Variants in GPR176 observed in about 807,000 individuals in gnomAD.
GPR176 encodes the protein G-protein coupled receptor 176.
A neutral mutation model predicts 35.4 loss-of-function variants in GPR176; 26 were observed. That is an observed-to-expected ratio of 0.74 (90% CI 0.54 to 1.02). GPR176 has a LOEUF of 1.02. Among genes scored for constraint, GPR176 ranks in the 50% least tolerant of loss-of-function variants. The pLI, the probability that GPR176 is intolerant of heterozygous loss-of-function variation, is 0.00. For synonymous variants in GPR176, 278 were observed against 271.3 expected (o/e 1.02, Z -0.24); for missense variants, 597 against 665.3 (o/e 0.90, Z 1.13).
Position 39,801,652 on chromosome 15 carries a change from C to T in GPR176, c.1028G>A (p.Ser343Asn), listed in dbSNP as rs940146306. The change falls in exon 3 of 3, where the codon AGT (serine) becomes AAT (asparagine). Residue 343 changes from serine (S) to asparagine (N), a missense_variant. By Grantham distance (46) the Ser-to-Asn change is conservative. Coordinates refer to ENST00000561100, the MANE Select transcript of GPR176 (RefSeq NM_007223.3). ...GTLVQLHHRYSRRNVVSTGSG... is the reference protein window; with the variant it reads ...GTLVQLHHRYNRRNVVSTGSG... ...CCCTGTACTGACCACATTACGGCGA[C>T]TGTACCGGTGGTGTAGTTGCACCAG... 1.2e-6 allele frequency: 2 copies of T among 1,614,078 alleles called. No individual in the cohort carries two copies. Among genetic ancestry groups the T allele is most frequent in the Non-Finnish European group, 1.7e-6 (2 of 1,179,950 alleles).
intron 2 of GPR176, among the ~76,000 whole-genome samples, chr15:39,806,243 C>G (rs1899181301): frequency 6.6e-6 from 1 of 152,210 alleles, no homozygotes; most frequent in South Asian, 2.1e-4. Context: ...CTATGTTAAT[C>G]TTGAAATCAA....
At chr15:39,868,773 G>A (rs1158928555) in intron 1 of GPR176, among the ~76,000 whole-genome samples, 1 of 152,144 alleles carries the variant, frequency 6.6e-6, no homozygotes, top group Non-Finnish European at 1.5e-5. Flanking sequence ...TCAGCTTCCA[G>A]TCCTTGTGCA....
intron 1 of GPR176, among the ~76,000 whole-genome samples, chr15:39,918,107 G>A (rs2033775809): frequency 6.7e-6 from 1 of 149,258 alleles, no homozygotes; most frequent in African/African-American, 2.5e-5. Context: ...GAGGAAATCA[G>A]TTTGTCCTTT....
chr15:39,860,467 TC>T (rs751816608), intron 1 of GPR176, among the ~76,000 whole-genome samples: 1 of 152,234 alleles, frequency 6.6e-6, no homozygotes, highest in Non-Finnish European at 1.5e-5. Context: ...CCTTCTTGCA[TC>T]ATACACAGTG....
chr15:39,920,081 G>A lies in GPR176; in HGVS notation c.-55C>T. ...CGCCCGCCTCGGAGCCCCGCGCGGAGCCTCTCCTCCTCCGGGTGAGGAGGG... is the reference window on the plus strand; with the variant it reads ...CGCCCGCCTCGGAGCCCCGCGCGGAACCTCTCCTCCTCCGGGTGAGGAGGG... On this transcript the variant is annotated 5_prime_UTR_variant, in exon 1 of 3. Transcript: ENST00000561100. The A allele has an allele frequency of 8.3e-7, 1 of 1,205,414 alleles. No individual in the cohort carries two copies. The highest frequency in any genetic ancestry group is 1.1e-6 in the Non-Finnish European group (1 of 943,668). 74.7% of individuals were successfully genotyped at this position (1,205,414 alleles called of 1,614,324 possible).
intron 1 of GPR176, among the ~76,000 whole-genome samples, chr15:39,898,170 T>C (rs1192784280): frequency 6.6e-6 from 1 of 152,230 alleles, no homozygotes; most frequent in Non-Finnish European, 1.5e-5. Flanking sequence ...GTAGACCAAC[T>C]AGAGTAACAC....
chr15:39,824,104 T>A (rs972359108), intron 1 of GPR176, among the ~76,000 whole-genome samples: 1 of 152,130 alleles, frequency 6.6e-6, no homozygotes, highest in African/African-American at 2.4e-5. Flanking sequence ...CAAGAATTGG[T>A]TGTTTAAAAG....
At position 39,800,802 on chromosome 15, in the gene GPR176, G is replaced by A. The variant is rs1426494505; in HGVS notation, c.*330C>T. 1 of 249,530 alleles carries A rather than the reference G, an allele frequency of 4.0e-6. No individual in the cohort carries two copies. The highest frequency in any genetic ancestry group is 2.2e-5 in the African/African-American group (1 of 44,630). The allele number at this position is 249,530 out of a possible 1,614,324, so 15.5% of individuals were successfully genotyped here. ...GTCTTCTCTCTGTGTGTTCTCTGCA[G>A]AGCCCAGGGAAGTGAGGCATCCTCA... On this transcript the variant is annotated 3_prime_UTR_variant, in exon 3 of 3. Transcript: ENST00000561100.
At chr15:39,867,296 A>G (rs2140834993) in intron 1 of GPR176, among the ~76,000 whole-genome samples, 1 of 151,794 alleles carries the variant, frequency 6.6e-6, no homozygotes. Flanking sequence ...CAGTTTAAGG[A>G]CTCTGCTAGA....
rs139694531 is a variant in GPR176 at position 39,828,107 on chromosome 15, T to C, written c.173-20849A>G. ...AGCCTGGTGGTGAAAATGTCATCTT[T>C]AGGGATTAATTTTTCTATTTCTAAA... On this transcript the variant is annotated intron_variant, in intron 1 of 2. Coordinates refer to ENST00000561100, the MANE Select transcript of GPR176 (RefSeq NM_007223.3). Among the ~76,000 whole-genome samples the C allele has an allele frequency of 5.8e-3, 880 of 152,356 alleles. 8 individuals carry two copies. The highest frequency in any genetic ancestry group is 7.3e-3 in the Non-Finnish European group (496 of 68,018).
intron 1 of GPR176, among the ~76,000 whole-genome samples, chr15:39,867,291 T>C (rs1235398167): frequency 6.6e-6 from 1 of 151,902 alleles, no homozygotes; most frequent in Non-Finnish European, 1.5e-5. Context: ...GTGTCCAGTT[T>C]AAGGACTCTG....
intron 1 of GPR176, among the ~76,000 whole-genome samples, chr15:39,912,469 A>T (rs1484160093): frequency 6.6e-6 from 1 of 151,794 alleles, no homozygotes; most frequent in Non-Finnish European, 1.5e-5. Context: ...AAAAAAAAAA[A>T]TTATCCAGGT....
chr15:39,809,874 G>A (rs1463184174), intron 1 of GPR176, among the ~76,000 whole-genome samples: 6 of 152,160 alleles, frequency 3.9e-5, no homozygotes, highest in East Asian at 1.9e-4. Flanking sequence ...GGCCGGGCGC[G>A]GTGGCTCATG....
At position 39,908,604 on chromosome 15, in the gene GPR176, A is replaced by G. The variant is rs577052617; in HGVS notation, c.172+11251T>C. ...GTAATTGGAAAACACAAGGGGTAGA[A>G]TTAGGCTCAGGCCCTCCAGGGATAC... On this transcript the variant is annotated intron_variant, in intron 1 of 2. Coordinates refer to ENST00000561100, the MANE Select transcript of GPR176 (RefSeq NM_007223.3). Among the ~76,000 whole-genome samples the G allele has an allele frequency of 4.6e-5, 7 of 151,786 alleles. 1 individual carries two copies. The highest frequency in any genetic ancestry group is 1.7e-4 in the African/African-American group (7 of 41,350).
chr15:39,853,818 T>C (rs779600316), intron 1 of GPR176, among the ~76,000 whole-genome samples: 5 of 152,278 alleles, frequency 3.3e-5, no homozygotes, highest in Admixed American at 6.5e-5. Flanking sequence ...GGTCCCAGAA[T>C]GTCAATAGTG....
chr15:39,915,148 T>C (rs2033693414), intron 1 of GPR176, among the ~76,000 whole-genome samples: 1 of 152,222 alleles, frequency 6.6e-6, no homozygotes, highest in Non-Finnish European at 1.5e-5. Flanking sequence ...CCAGCTGCTA[T>C]AACAAAATAC....
intron 1 of GPR176, among the ~76,000 whole-genome samples, chr15:39,812,834 C>G (rs1029541067): frequency 6.6e-6 from 1 of 151,938 alleles, no homozygotes; most frequent in Admixed American, 6.6e-5. Flanking sequence ...CTCCGCTCCC[C>G]GCAGGCTCAA....
chr15:39,841,477 T>C (rs1335384844), intron 1 of GPR176, among the ~76,000 whole-genome samples: 1 of 151,978 alleles, frequency 6.6e-6, no homozygotes. Context: ...AAGGGGAGAT[T>C]TGTCCGCAGA....
intron 1 of GPR176, among the ~76,000 whole-genome samples, chr15:39,853,426 G>A (rs2031003701): frequency 6.6e-6 from 1 of 152,172 alleles, no homozygotes; most frequent in Admixed American, 6.5e-5. Flanking sequence ...AAGGGGAGTT[G>A]CTGTTCAATG....
Sources: gnomAD v4.1 joint callset for allele counts (sites outside exome capture counted in the v4.1 genomes callset) on GRCh38, gnomAD v4.1.1 for gene constraint, MANE v1.5 for transcripts, NCBI Gene and HGNC (gene_info 2026-07-23, HGNC 2026-07-21) for gene names.